Variants in SASH1 observed in about 807,000 individuals in gnomAD.
SASH1 encodes the protein SAM and SH3 domain-containing protein 1.
In SASH1, 44 loss-of-function variants were observed where a neutral mutation model predicts 125.2. The observed-to-expected ratio is 0.35, with a 90% CI of 0.28 to 0.45. The LOEUF (loss-of-function observed/expected upper bound fraction) is 0.45. Ranked by LOEUF, SASH1 falls within the 20% of genes least tolerant of loss-of-function variation. SASH1 has a pLI of 1.00. For synonymous variants in SASH1, 639 were observed against 649.1 expected (o/e 0.98, Z 0.24); for missense variants, 1,426 against 1,614.5 (o/e 0.88, Z 2.00).
chr6:148,457,776 G>A (rs1456299917), intron 4 of SASH1, among the ~76,000 whole-genome samples: 1 of 152,158 alleles, frequency 6.6e-6, no homozygotes, highest in Non-Finnish European at 1.5e-5. Flanking sequence ...ACAGGGCTGG[G>A]GAGACCTCAG....
At chr6:148,394,174 T>G (rs886778824) in intron 2 of SASH1, among the ~76,000 whole-genome samples, 2 of 152,114 alleles carry the variant, frequency 1.3e-5, no homozygotes, top group Non-Finnish European at 2.9e-5. Flanking sequence ...ATTACAGGCG[T>G]GAGTCACTGC....
intron 1 of SASH1, among the ~76,000 whole-genome samples, chr6:148,310,922 G>T (rs1780308898): frequency 6.6e-6 from 1 of 151,992 alleles, no homozygotes; most frequent in Non-Finnish European, 1.5e-5. Flanking sequence ...GTCTGACAGG[G>T]TTTTGTTTGT....
intron 1 of SASH1, among the ~76,000 whole-genome samples, chr6:148,330,486 T>G (rs1254176731): frequency 6.6e-6 from 1 of 152,236 alleles, no homozygotes; most frequent in Non-Finnish European, 1.5e-5. Flanking sequence ...TCAATTTGGT[T>G]GATGGATACT....
intron 1 of SASH1, among the ~76,000 whole-genome samples, chr6:148,348,969 G>T (rs553159156): frequency 6.6e-6 from 1 of 152,176 alleles, no homozygotes; most frequent in East Asian, 1.9e-4. Context: ...GCGTCTGGGC[G>T]GCCCCTACCA....
rs549333609 is a variant in SASH1, at chr6:148,444,353, A to AG, written c.386+3951dup. On this transcript the variant is annotated intron_variant, in intron 4 of 19. Transcript: ENST00000367467. ...ACAGGAAGTTAGCTCTGACCAGAAG[A>AG]GGGGGAGGGAGAGAGACAAGCAGTG... is the stretch of plus-strand genomic sequence containing the variant. Among the ~76,000 whole-genome samples, 262 of 152,292 alleles carry AG rather than the reference A, an allele frequency of 1.7e-3. 1 individual carries two copies. Among genetic ancestry groups the AG allele is most frequent in the African/African-American group, 6.1e-3 (255 of 41,550 alleles).
At chr6:148,294,154 G>A (rs1225863241) in intron 1 of SASH1, among the ~76,000 whole-genome samples, 1 of 152,210 alleles carries the variant, frequency 6.6e-6, no homozygotes, top group Non-Finnish European at 1.5e-5. Flanking sequence ...TTCTAAAGAG[G>A]CGTGCTTGGA....
chr6:148,424,834 A>G (rs1775740070), intron 2 of SASH1, among the ~76,000 whole-genome samples: 1 of 152,164 alleles, frequency 6.6e-6, no homozygotes, highest in African/African-American at 2.4e-5. Flanking sequence ...AGTAGTTCTC[A>G]AAGTGTGGCT....
chr6:148,472,609 G>C (rs73013200), intron 6 of SASH1, among the ~76,000 whole-genome samples: 74 of 152,272 alleles, frequency 4.9e-4, no homozygotes, highest in Non-Finnish European at 9.3e-4. Context: ...ATAGTAAAAT[G>C]AATCAACCCA....
chr6:148,519,679 T>G lies in SASH1; in HGVS notation c.995T>G (p.Leu332Arg), dbSNP rs368598121. 1 of 1,613,940 alleles carries G rather than the reference T, an allele frequency of 6.2e-7. No individual in the cohort carries two copies. The highest frequency in any genetic ancestry group is 8.5e-7 in the Non-Finnish European group (1 of 1,180,028). The change falls in exon 10 of 20, where the codon CTC (leucine) becomes CGC (arginine). Residue 332 changes from leucine to arginine, a missense_variant. This residue lies in a region of SASH1 where 567 missense variants were observed against 575.6 expected (regional missense o/e 0.99). Transcript: ENST00000367467. The surrounding 1 kb of genome is among the most constrained non-coding windows in gnomAD (Gnocchi z 4.8). Reference protein sequence around the residue: ...EKPPEDDSDSLTTSPSSSSLD... With the variant: ...EKPPEDDSDSRTTSPSSSSLD... ...CCTCCCGAAGATGACTCAGACTCTC[T>G]CACCACGTCTCCATCCTCCAGCAGC...
chr6:148,206,787 C>G, the SASH1 span, among the ~76,000 whole-genome samples: 1 of 118,272 alleles, frequency 8.5e-6, no homozygotes, highest in African/African-American at 3.9e-5. Context: ...GAGACTCCAT[C>G]TCAAAGCACA....
intron 17 of SASH1, 119 bp downstream of exon 17, chr6:148,540,675 T>C: frequency 1.3e-6 from 1 of 744,334 alleles, no homozygotes; most frequent in Non-Finnish European, 2.3e-6. Context: ...GTTTCCTTTC[T>C]CACCTCTACA....
the SASH1 span, among the ~76,000 whole-genome samples, chr6:148,225,773 G>A: frequency 6.6e-6 from 1 of 152,224 alleles, no homozygotes; most frequent in Non-Finnish European, 1.5e-5. Context: ...TAACAACCCA[G>A]TGAGGCTGTT....
chr6:148,222,225 A>T, the SASH1 span, among the ~76,000 whole-genome samples: 1 of 152,330 alleles, frequency 6.6e-6, no homozygotes, highest in East Asian at 1.9e-4. Context: ...TGGGCAGATA[A>T]ATCAACAATT....
rs772739593 is a variant in SASH1, at chr6:148,544,503, C to T, written c.3033C>T (p.Leu1011=). 40 of 1,613,824 alleles carry T rather than the reference C, an allele frequency of 2.5e-5. No homozygotes were observed. In the South Asian group the frequency reaches 4.4e-4, roughly 18 times the overall value. ...TTCCCATGGGCCCCAGTGGGGCCCT[C>T]CCCAGTCCCGATGCGCCATGCCTGC... The part of the protein sequence containing the change: ...HPVPMGPSGA[L]PSPDAPCLPV... The change falls in exon 18 of 20, where the codon CTC becomes CTT. Residue 1011 remains leucine (L), a synonymous_variant. Coordinates refer to ENST00000367467, the MANE Select transcript of SASH1 (RefSeq NM_015278.5). The surrounding 1 kb of genome is among the most constrained non-coding windows in gnomAD (Gnocchi z 6.4).
At chr6:148,328,948 C>G (rs775554108) in intron 1 of SASH1, among the ~76,000 whole-genome samples, 11 of 152,096 alleles carry the variant, frequency 7.2e-5, no homozygotes, top group Admixed American at 7.2e-4. Flanking sequence ...TTTTCATCTT[C>G]TTCCTTTCAT....
At chr6:148,430,321 T>G (rs1309170549) in intron 2 of SASH1, among the ~76,000 whole-genome samples, 3 of 152,224 alleles carry the variant, frequency 2.0e-5, no homozygotes, top group African/African-American at 7.2e-5. Flanking sequence ...TGTGTTTCCA[T>G]GAAAGATTTT....
intron 16 of SASH1, among the ~76,000 whole-genome samples, chr6:148,535,415 G>A (rs183565038): frequency 5.3e-5 from 8 of 152,286 alleles, no homozygotes; most frequent in East Asian, 1.9e-4. Context: ...GGAGGTTTTC[G>A]CTCAGCCAAA....
At chr6:148,379,154 A>G (rs1485093146) in intron 1 of SASH1, among the ~76,000 whole-genome samples, 1 of 152,194 alleles carries the variant, frequency 6.6e-6, no homozygotes, top group Non-Finnish European at 1.5e-5. Flanking sequence ...CATGCCCTCT[A>G]TATTCCTGCT....
the SASH1 span, among the ~76,000 whole-genome samples, chr6:148,244,999 C>T: frequency 6.7e-6 from 1 of 149,906 alleles, no homozygotes; most frequent in East Asian, 2.0e-4. Context: ...AGATTACAAG[C>T]TGTATCTTGG....
Sources: allele counts gnomAD v4.1 joint callset (sites outside exome capture counted in the v4.1 genomes callset), GRCh38; gene constraint gnomAD v4.1.1; regional missense constraint gnomAD v4.1.1; non-coding constraint Gnocchi (gnomAD v3.1); transcripts MANE v1.5; gene names NCBI Gene and HGNC (gene_info 2026-07-23, HGNC 2026-07-21).